The following PRKCB variants were observed in gnomAD, a reference collection of about 807,000 sequenced individuals.
PRKCB encodes the protein protein kinase C beta type.
PRKCB carries 13 observed loss-of-function variants against 81.5 expected under a neutral mutation model. The ratio of observed to expected loss-of-function variants is 0.16; its 90% confidence interval spans 0.10 to 0.25. The LOEUF is 0.25. Ranked by LOEUF, PRKCB falls within the 10% of genes least tolerant of loss-of-function variation. The pLI, the probability that PRKCB is intolerant of heterozygous loss-of-function variation, is 1.00. For missense variants in PRKCB, 509 were observed against 875.7 expected (o/e 0.58, Z 5.29); for synonymous variants, 335 against 321.4 (o/e 1.04, Z -0.45).
intron 5 of PRKCB, among the ~76,000 whole-genome samples, chr16:24,075,708 G>T (rs938145092): frequency 7.9e-5 from 12 of 152,216 alleles, no homozygotes; most frequent in African/African-American, 2.9e-4. Context: ...CTGACTTTTA[G>T]TTGCAAGGAA....
In PRKCB at chr16:24,218,765, G is replaced by C; in HGVS notation, c.*3949G>C. Reference sequence around the variant, plus strand: ...ACCGACCCCCTGGCCTTTATAATCTGAGGCAACTTTGGCTGCAGCCCGGGA... The same window carrying C: ...ACCGACCCCCTGGCCTTTATAATCTCAGGCAACTTTGGCTGCAGCCCGGGA... On this transcript the variant is annotated 3_prime_UTR_variant, in exon 17 of 17. Coordinates refer to ENST00000643927, the MANE Select transcript of PRKCB (RefSeq NM_002738.7). 1.0e-6 allele frequency: 1 copy of C among 985,420 alleles called. No individual in the cohort carries two copies. The highest frequency in any genetic ancestry group is 4.7e-5 in the South Asian group (1 of 21,290). The allele number at this position is 985,420 out of a possible 1,614,324, so 61.0% of individuals were successfully genotyped here. A position where few individuals can be genotyped will look rare whatever the true frequency, so the allele number is the denominator to read the frequency against.
At position 23,934,052 on chromosome 16, in the gene PRKCB, T is replaced by TCCATCCAC. The variant is rs1159881024; in HGVS notation, c.206-54453_206-54452insTCCACCCA. On this transcript the variant is annotated intron_variant, in intron 2 of 16. Coordinates refer to ENST00000643927, the MANE Select transcript of PRKCB (RefSeq NM_002738.7). ...ATCCATCCATCCATCCATCCATCCA[T>TCCATCCAC]CCACCCATTTGACTTTCTTTTTACG... Among the ~76,000 whole-genome samples the TCCATCCAC allele has an allele frequency of 1.4e-3, 208 of 151,922 alleles. 2 individuals carry two copies. The highest frequency in any genetic ancestry group is 4.7e-3 in the African/African-American group (196 of 41,418).
intron 5 of PRKCB, among the ~76,000 whole-genome samples, chr16:24,042,201 G>A (rs1244532453): frequency 6.6e-6 from 1 of 152,116 alleles, no homozygotes; most frequent in Admixed American, 6.5e-5. Context: ...TTATAAACTA[G>A]GCCGCGAGGG....
intron 5 of PRKCB, among the ~76,000 whole-genome samples, chr16:24,040,068 T>C (rs80068839): frequency 0.011 from 1,675 of 152,278 alleles, 24 homozygotes; most frequent in African/African-American, 0.032. Flanking sequence ...GAGTGTCATA[T>C]GTTCTTTGGA....
In PRKCB at chr16:24,214,987, A is replaced by G. The variant is rs1241801935; in HGVS notation, c.*171A>G. 8 of 1,437,770 alleles carry G rather than the reference A, an allele frequency of 5.6e-6. No individual in the cohort carries two copies. Among genetic ancestry groups the G allele is most frequent in the Middle Eastern group, 2.6e-4 (1 of 3,882 alleles). 89.1% of individuals were successfully genotyped at this position (1,437,770 alleles called of 1,614,324 possible). The stretch of plus-strand genomic sequence containing the variant: ...TCCTCAGGTAGTTTGGAGCATCTCT[A>G]TGAGATGGGATTATGCAGATGGCCT... On this transcript the variant is annotated 3_prime_UTR_variant, in exon 17 of 17. Coordinates refer to ENST00000643927, the MANE Select transcript of PRKCB (RefSeq NM_002738.7).
At chr16:23,960,295 A>G (rs1450438025) in intron 2 of PRKCB, among the ~76,000 whole-genome samples, 3 of 152,098 alleles carry the variant, frequency 2.0e-5, no homozygotes, top group African/African-American at 4.8e-5. Flanking sequence ...GTACGGTGGT[A>G]TCTTCAGAAC....
intron 2 of PRKCB, among the ~76,000 whole-genome samples, chr16:23,900,678 C>G (rs78911553): frequency 1.4e-5 from 2 of 139,624 alleles, no homozygotes; most frequent in Non-Finnish European, 3.0e-5. Flanking sequence ...TTCATATCAG[C>G]GCATATAGAG....
intron 16 of PRKCB, among the ~76,000 whole-genome samples, chr16:24,210,090 G>A (rs970175182): frequency 2.0e-5 from 3 of 152,092 alleles, no homozygotes; most frequent in African/African-American, 4.8e-5. Context: ...ACTCAAGCAT[G>A]GGCAACAGAG....
chr16:23,924,970 G>T (rs1188334294), intron 2 of PRKCB, among the ~76,000 whole-genome samples: 3 of 152,006 alleles, frequency 2.0e-5, no homozygotes, highest in Admixed American at 2.0e-4. Context: ...TTCTGGACCT[G>T]GGTAAAATGA....
At chr16:23,938,944 C>T (rs961364844) in intron 2 of PRKCB, among the ~76,000 whole-genome samples, 4 of 152,236 alleles carry the variant, frequency 2.6e-5, no homozygotes, top group Non-Finnish European at 4.4e-5. Flanking sequence ...AAACGACATG[C>T]GTATCTGTGC....
At chr16:24,018,055 C>T (rs11864733) in intron 3 of PRKCB, among the ~76,000 whole-genome samples, 2 of 151,702 alleles carry the variant, frequency 1.3e-5, no homozygotes, top group South Asian at 2.1e-4. Flanking sequence ...CCCGCCACCA[C>T]GCCCAGCTAA....
rs373604702 is a variant in PRKCB at position 24,059,504 on chromosome 16, T to A, written c.529+23957T>A. ...GAGACTCCATTTCTACAAAAAAAAA[T>A]TTTTTTTTTTTAATGTAGCCAGTGT... On this transcript the variant is annotated intron_variant, in intron 5 of 16. Coordinates refer to ENST00000643927, the MANE Select transcript of PRKCB (RefSeq NM_002738.7). 3.9e-3 allele frequency among the ~76,000 whole-genome samples: 553 copies of A among 142,366 alleles called. 8 individuals are homozygous for A. Among genetic ancestry groups the A allele is most frequent in the East Asian group, 0.018 (92 of 5,022 alleles). The allele number at this position is 142,366 out of a possible 152,430, so 93.4% of individuals were successfully genotyped here. A position where few individuals can be genotyped will look rare whatever the true frequency, so the allele number is the denominator to read the frequency against.
At chr16:23,985,232 T>C (rs1964789585) in intron 2 of PRKCB, among the ~76,000 whole-genome samples, 1 of 152,106 alleles carries the variant, frequency 6.6e-6, no homozygotes, top group Non-Finnish European at 1.5e-5. Flanking sequence ...CTGGGACTAC[T>C]ACAGGCACCT....
At chr16:24,117,890 G>A (rs952899927) in intron 8 of PRKCB, among the ~76,000 whole-genome samples, 10 of 152,180 alleles carry the variant, frequency 6.6e-5, no homozygotes, top group Non-Finnish European at 7.3e-5. Flanking sequence ...GTTATCCGTC[G>A]GCTCCCCTTC....
At chr16:24,195,070 G>A (rs1166161324) in intron 16 of PRKCB, among the ~76,000 whole-genome samples, 4 of 152,038 alleles carry the variant, frequency 2.6e-5, no homozygotes, top group African/African-American at 9.7e-5. Context: ...GGGCGTGATA[G>A]CATCCACCTG....
chr16:23,878,967 G>A (rs1226403564), intron 2 of PRKCB, among the ~76,000 whole-genome samples: 2 of 152,072 alleles, frequency 1.3e-5, no homozygotes, highest in East Asian at 1.9e-4. Flanking sequence ...CTTGAGGTTA[G>A]GAGTTCAAGA....
chr16:23,842,741 A>T (rs1962288570), intron 2 of PRKCB, among the ~76,000 whole-genome samples: 1 of 152,216 alleles, frequency 6.6e-6, no homozygotes, highest in Admixed American at 6.5e-5. Flanking sequence ...AATTATTCTT[A>T]AAAAACCCCA....
rs1413563117 is a variant in PRKCB, at chr16:24,219,921, T to C, written c.*5105T>C. The stretch of plus-strand genomic sequence containing the variant: ...GGCGTATCTTGGTCCTGTGTCTTTC[T>C]TCTTACGCTGTGTTAATGTGTTTAC... On this transcript the variant is annotated 3_prime_UTR_variant, in exon 17 of 17. Coordinates refer to ENST00000643927, the MANE Select transcript of PRKCB (RefSeq NM_002738.7). 1.2e-6 allele frequency: 2 copies of C among 1,607,168 alleles called. No homozygotes were observed. The highest frequency in any genetic ancestry group is 1.7e-6 in the Non-Finnish European group (2 of 1,175,872).
chr16:24,094,882 GAAGA>G (rs1008314373), intron 7 of PRKCB, among the ~76,000 whole-genome samples: 8 of 148,982 alleles, frequency 5.4e-5, no homozygotes, highest in Admixed American at 1.3e-4. Flanking sequence ...GGGAAAGGAA[GAAGA>G]AAGAAAGAAG....
Sources: allele counts gnomAD v4.1 joint callset (sites outside exome capture counted in the v4.1 genomes callset), GRCh38; gene constraint gnomAD v4.1.1; transcripts MANE v1.5; gene names NCBI Gene and HGNC (gene_info 2026-07-23, HGNC 2026-07-21).